EHBP1: variants seen among roughly 807,000 people sequenced by gnomAD.
EHBP1 encodes the protein EH domain binding protein 1.
EHBP1 carries 55 observed loss-of-function variants against 144.0 expected under a neutral mutation model. The ratio of observed to expected loss-of-function variants is 0.38; its 90% CI spans 0.31 to 0.48. The LOEUF (loss-of-function observed/expected upper bound fraction) is 0.48. EHBP1 is among the 20% of genes least tolerant of loss of function. The pLI is 0.98. For missense variants in EHBP1, 1,200 were observed against 1,364.2 expected (o/e 0.88, Z 1.90); for synonymous variants, 469 against 472.7 (o/e 0.99, Z 0.10).
intron 19 of EHBP1, among the ~76,000 whole-genome samples, chr2:63,033,940 C>G (rs1033876097): frequency 1.7e-4 from 26 of 151,920 alleles, no homozygotes; most frequent in African/African-American, 5.3e-4. Flanking sequence ...GTTACTTTTC[C>G]TGCTATTATC....
intron 5 of EHBP1, among the ~76,000 whole-genome samples, chr2:62,799,244 A>G (rs1008111044): frequency 1.3e-5 from 2 of 152,318 alleles, no homozygotes; most frequent in South Asian, 2.1e-4. Context: ...CAGGTACATT[A>G]TCTATATGAA....
intron 10 of EHBP1, among the ~76,000 whole-genome samples, chr2:62,939,360 T>G (rs2056597279): frequency 6.6e-6 from 1 of 152,122 alleles, no homozygotes; most frequent in Non-Finnish European, 1.5e-5. Context: ...CTGCAACCTC[T>G]GCCTGCTGGT....
upstream of EHBP1, among the ~76,000 whole-genome samples, chr2:62,703,530 G>A (rs115829084): frequency 2.0e-5 from 3 of 152,150 alleles, no homozygotes; most frequent in Non-Finnish European, 4.4e-5. Context: ...ATGAACATGA[G>A]GTCAGTGGCA....
chr2:62,733,452 T>G (rs888269167), intron 2 of EHBP1, among the ~76,000 whole-genome samples: 1 of 152,144 alleles, frequency 6.6e-6, no homozygotes, highest in Non-Finnish European at 1.5e-5. Flanking sequence ...GGTGGTAAGG[T>G]GTGGAGGAAT....
At chr2:62,683,866 C>T (rs1406394127) in intron 1 of EHBP1, among the ~76,000 whole-genome samples, 1 of 152,006 alleles carries the variant, frequency 6.6e-6, no homozygotes, top group Non-Finnish European at 1.5e-5. Context: ...AGCTGCAGGA[C>T]CAGAGTTTGC....
intron 8 of EHBP1, among the ~76,000 whole-genome samples, chr2:62,861,769 A>G (rs897877854): frequency 1.3e-5 from 2 of 151,750 alleles, no homozygotes; most frequent in African/African-American, 4.8e-5. Context: ...AAAGAAAGAA[A>G]GTCTTCTCTT....
At position 62,886,783 on chromosome 2, in the gene EHBP1, A is replaced by G. The variant is rs561495957; in HGVS notation, c.1185+12251A>G. On this transcript the variant is annotated intron_variant, in intron 10 of 22. Transcript: ENST00000431489. ...TTTCCTACCTCCCCTGTACAAAGCTACCCTTCCTTCAGTGTGTCTGACTTT... is the reference window on the plus strand; with the variant it reads ...TTTCCTACCTCCCCTGTACAAAGCTGCCCTTCCTTCAGTGTGTCTGACTTT... 2.0e-5 allele frequency among the ~76,000 whole-genome samples: 3 copies of G among 152,274 alleles called. 1 individual carries two copies. The South Asian group carries it at 6.2e-4, about 32-fold the overall frequency.
intron 3 of EHBP1, among the ~76,000 whole-genome samples, chr2:62,755,762 A>G (rs1328797054): frequency 6.6e-6 from 1 of 152,222 alleles, no homozygotes; most frequent in Non-Finnish European, 1.5e-5. Context: ...GGGAAGGACC[A>G]ATATAAGTTT....
intron 1 of EHBP1, among the ~76,000 whole-genome samples, chr2:62,687,497 G>T (rs1421338493): frequency 6.6e-6 from 1 of 152,146 alleles, no homozygotes; most frequent in Non-Finnish European, 1.5e-5. Flanking sequence ...GTAATAGATG[G>T]GTTTCCCATC....
chr2:62,693,248 A>T lies in EHBP1; in HGVS notation c.-295-13649A>T, dbSNP rs563735521. Among the ~76,000 whole-genome samples, 231 of 152,160 alleles carry T rather than the reference A, an allele frequency of 1.5e-3. 3 individuals are homozygous for T. In the South Asian group the frequency reaches 0.022, roughly 14 times the overall value. On this transcript the variant is annotated intron_variant, in intron 1 of 22. Coordinates refer to the EHBP1 transcript ENST00000405015. ...TTGTGTATAACTACCACATTTTCTT[A>T]ATCCATTCATCTGTTGACGGACACT...
intron 10 of EHBP1, among the ~76,000 whole-genome samples, chr2:62,879,479 ATACAAC>A (rs1302260987): frequency 6.6e-6 from 1 of 151,910 alleles, no homozygotes; most frequent in Non-Finnish European, 1.5e-5. Context: ...TAACATTTCT[ATACAAC>A]TACAAGTCTA....
intron 7 of EHBP1, among the ~76,000 whole-genome samples, chr2:62,843,300 A>G (rs953235378): frequency 6.6e-6 from 1 of 152,166 alleles, no homozygotes; most frequent in Non-Finnish European, 1.5e-5. Context: ...ATCTTGTTCC[A>G]TTTGACGTTT....
At chr2:63,005,737 G>T (rs573115497) in intron 19 of EHBP1, among the ~76,000 whole-genome samples, 1 of 151,986 alleles carries the variant, frequency 6.6e-6, no homozygotes, top group African/African-American at 2.4e-5. Context: ...TCTATAATTG[G>T]TATTAATAAT....
Position 63,045,075 on chromosome 2 carries a change from A to G in EHBP1, c.3287A>G (p.Lys1096Arg). 1 of 1,561,270 alleles carries G rather than the reference A, an allele frequency of 6.4e-7. No homozygotes were observed. Among genetic ancestry groups the G allele is most frequent in the Non-Finnish European group, 8.7e-7 (1 of 1,151,304 alleles). Residue 1096 changes from lysine to arginine, a missense_variant, in exon 22 of 23, where the codon AAG (lysine) becomes AGG (arginine). Physicochemically the swap from Lys to Arg is conservative, Grantham distance 26. Transcript: ENST00000431489. The surrounding 1 kb of genome is among the most constrained non-coding windows in gnomAD (Gnocchi z 5.7). ...RAMLAIEDWQ[K>R]TEAQKRREQL... ...CTCCCGTCTTCTGCAGACTGGCAGAAGACCGAGGCCCAGAAGCGACGCGAA... is the reference window on the plus strand; with the variant it reads ...CTCCCGTCTTCTGCAGACTGGCAGAGGACCGAGGCCCAGAAGCGACGCGAA...
intron 14 of EHBP1, among the ~76,000 whole-genome samples, chr2:62,961,684 A>C (rs1330547825): frequency 1.3e-5 from 2 of 152,146 alleles, no homozygotes; most frequent in Non-Finnish European, 2.9e-5. Context: ...TCAAGAAAAT[A>C]TTTCTTTTTT....
chr2:62,716,191 C>G (rs971734195), intron 2 of EHBP1, among the ~76,000 whole-genome samples: 1 of 152,026 alleles, frequency 6.6e-6, no homozygotes, highest in Admixed American at 6.5e-5. Flanking sequence ...CCCCCCACCA[C>G]GCCCCAACCC....
intron 16 of EHBP1, among the ~76,000 whole-genome samples, chr2:62,993,171 T>C (rs974655189): frequency 6.6e-6 from 1 of 152,184 alleles, no homozygotes; most frequent in Non-Finnish European, 1.5e-5. Flanking sequence ...TAGTGGTTTA[T>C]CTCAATGGGC....
chr2:62,929,264 A>G (rs2055785484), intron 10 of EHBP1, among the ~76,000 whole-genome samples: 2 of 152,192 alleles, frequency 1.3e-5, no homozygotes, highest in African/African-American at 4.8e-5. Context: ...CCAAAGCCAG[A>G]CAAACACTAC....
intron 14 of EHBP1, 61 bp from the exon 15 acceptor site, chr2:62,979,127 A>G: frequency 1.3e-6 from 2 of 1,538,514 alleles, no homozygotes; most frequent in Non-Finnish European, 1.8e-6. Flanking sequence ...TGATGATCAG[A>G]TTGAAAATGA....
Sources: gnomAD v4.1 joint callset for allele counts (sites outside exome capture counted in the v4.1 genomes callset) on GRCh38, gnomAD v4.1.1 for gene constraint, Gnocchi (gnomAD v3.1) non-coding constraint, MANE v1.5 for transcripts, NCBI Gene and HGNC (gene_info 2026-07-23, HGNC 2026-07-21) for gene names.